Variants in BCORL1 observed in about 807,000 individuals in gnomAD.
The protein encoded by BCORL1 is BCL6 corepressor like 1.
BCORL1 carries 7 observed loss-of-function variants against 87.6 expected under a neutral mutation model. The observed-to-expected ratio is 0.08, with a 90% CI of 0.05 to 0.15. The LOEUF is 0.15. BCORL1 is among the 10% of genes least tolerant of loss of function. The pLI is 1.00. For missense variants in BCORL1, 1,215 were observed against 1,499.7 expected, an observed-to-expected ratio of 0.81 and a Z score of 3.13; for synonymous variants, 591 against 634.4, an observed-to-expected ratio of 0.93 and a Z score of 1.03.
intron 11 of BCORL1, among the ~76,000 whole-genome samples, chrX:130,043,772 ATATATATATATATTTTTT>A (rs1362811650): frequency 1.0e-4 from 2 of 19,967 alleles, no homozygotes; most frequent in African/African-American, 7.5e-4. Context: ...ATATATATAT[ATATATATATATATTTTTT>A]TTTTTTTTTT....
chrX:130,039,815 C>T (rs761762897), intron 11 of BCORL1, among the ~76,000 whole-genome samples: 23 of 113,135 alleles, frequency 2.0e-4, no homozygotes, highest in African/African-American at 7.0e-4. Context: ...CCCTTCCTTC[C>T]GTTCCTTTTC....
Position 130,021,106 on chromosome X carries a change from C to T in BCORL1, c.3563C>T (p.Pro1188Leu), listed in dbSNP as rs368883442. 1.6e-5 allele frequency: 19 copies of T among 1,199,626 alleles called. No homozygotes were observed. In the South Asian group the frequency reaches 2.4e-4, roughly 15 times the overall value. The change falls in exon 5 of 14, where the codon CCG (proline) becomes CTG (leucine). Residue 1188 changes from proline to leucine, a missense_variant. By Grantham distance (98) the Pro-to-Leu change is moderately conservative. This residue lies in a region of BCORL1 where 861 missense variants were observed against 1,010.0 expected (regional missense o/e 0.85). Transcript: ENST00000540052. ...CACAAGCACCGGAAGCCGACAAAGC[C>T]GGAGTCCCAGTCTCCAGGAAAACGA... The part of the protein sequence containing the change: ...GKHKHRKPTK[P>L]ESQSPGKRAD...
At chrX:130,023,643 T>C (rs760505211) in intron 6 of BCORL1, among the ~76,000 whole-genome samples, 1 of 112,302 alleles carries the variant, frequency 8.9e-6, no homozygotes, top group South Asian at 3.7e-4. Flanking sequence ...CCTTAGCACA[T>C]GGCAAGCGAG....
intron 13 of BCORL1, among the ~76,000 whole-genome samples, chrX:130,053,194 G>A (rs73569843): frequency 0.11 from 11,950 of 111,285 alleles, 1,581 homozygotes; most frequent in African/African-American, 0.37. Context: ...TGCACAGGAT[G>A]GGGAGCTAGG....
At chrX:129,995,334 A>G (rs1384911690) in intron 1 of BCORL1, among the ~76,000 whole-genome samples, 3 of 111,388 alleles carry the variant, frequency 2.7e-5, no homozygotes, top group Non-Finnish European at 5.7e-5. Flanking sequence ...GTTTCAGGGA[A>G]TATTTGGTTA....
rs1930411870 is a variant in BCORL1, at chrX:130,028,923, AG to A, written c.4305+68del. On this transcript the variant is annotated intron_variant, in intron 8 of 13. Transcript: ENST00000540052. Reference sequence around the variant, plus strand: ...GTGGCGGGGGGTCAGAGGAGGCAGGAGGGGGGTGGGGGATGGGGAGGATCAA... The same window carrying A: ...GTGGCGGGGGGTCAGAGGAGGCAGGAGGGGGTGGGGGATGGGGAGGATCAA... 5 of 28,351 alleles carry A rather than the reference AG, an allele frequency of 1.8e-4. No homozygotes were observed. In the South Asian group the frequency reaches 2.8e-3, roughly 16 times the overall value. The allele number at this position is 28,351 out of a possible 1,213,427, so 2.3% of individuals were successfully genotyped here. A position where few individuals can be genotyped will look rare whatever the true frequency, so the allele number is the denominator to read the frequency against.
At chrX:129,980,868 C>T (rs1466432614), upstream of BCORL1, among the ~76,000 whole-genome samples, 2 of 102,937 alleles carry the variant, frequency 1.9e-5, no homozygotes, top group Non-Finnish European at 4.0e-5. Context: ...GGCGGGGCGG[C>T]GCTAGGGGCT....
At chrX:129,984,701 G>C (rs1050526186) in intron 1 of BCORL1, among the ~76,000 whole-genome samples, 2 of 111,374 alleles carry the variant, frequency 1.8e-5, no homozygotes, top group African/African-American at 6.5e-5. Context: ...TTGTTGTAGG[G>C]AAAGACGTGG....
chrX:129,986,861 GA>G (rs1303653041), intron 1 of BCORL1, among the ~76,000 whole-genome samples: 1 of 111,428 alleles, frequency 9.0e-6, no homozygotes, highest in East Asian at 2.8e-4. Context: ...AAAGAAAAAA[GA>G]AAAAAATGTT....
At chrX:130,003,296 C>T (rs1206920465) in intron 1 of BCORL1, among the ~76,000 whole-genome samples, 1 of 111,047 alleles carries the variant, frequency 9.0e-6, no homozygotes, top group African/African-American at 3.3e-5. Context: ...TAGCCCTCCC[C>T]ACCTAGACTG....
rs1280537269 is a variant in BCORL1 at position 130,005,384 on chromosome X, G to A, written c.86+67G>A. On this transcript the variant is annotated intron_variant, in intron 2 of 13. Coordinates refer to ENST00000540052, the MANE Select transcript of BCORL1 (RefSeq NM_001379451.1). ...GCAGTACCTCGTCACCAGAGGGATA[G>A]CTGCATACAATAGGGCCTGGGGAGG... 1.9e-5 allele frequency: 19 copies of A among 1,007,153 alleles called. No individual in the cohort carries two copies. The East Asian group carries it at 5.2e-4, about 28-fold the overall frequency. 83.0% of individuals were successfully genotyped at this position (1,007,153 alleles called of 1,213,427 possible).
chrX:130,034,941 G>A (rs755085878), intron 9 of BCORL1, among the ~76,000 whole-genome samples: 16 of 111,750 alleles, frequency 1.4e-4, no homozygotes, highest in African/African-American at 4.2e-4. Flanking sequence ...GGATATCCAC[G>A]TTGTCTTAAA....
chrX:130,003,053 C>T (rs776448904), intron 1 of BCORL1, among the ~76,000 whole-genome samples: 39 of 111,134 alleles, frequency 3.5e-4, no homozygotes, highest in Non-Finnish European at 6.8e-4. Flanking sequence ...GGATGAAGCC[C>T]AGGCAGGGTG....
chrX:130,014,354 T>C lies in BCORL1; in HGVS notation c.1582T>C (p.Cys528Arg), dbSNP rs777331146. The change falls in exon 4 of 14, where the codon TGC becomes CGC. Residue 528 changes from cysteine to arginine, a missense_variant. Cys to Arg is a radical substitution (Grantham distance 180, BLOSUM62 -3). This residue lies in a region of BCORL1 where 861 missense variants were observed against 1,010.0 expected (regional missense o/e 0.85). Coordinates refer to ENST00000540052, the MANE Select transcript of BCORL1 (RefSeq NM_001379451.1). The stretch of plus-strand genomic sequence containing the variant: ...ATCTCTGGAGGTGAACAGGCTCCCC[T>C]GCACTTCCCCATCCGGTAGCACCAC... ...LVSLEVNRLPCTSPSGSTTTQ... is the reference protein window; with the variant it reads ...LVSLEVNRLPRTSPSGSTTTQ... 8.3e-7 allele frequency: 1 copy of C among 1,211,727 alleles called. No homozygotes were observed. The highest frequency in any genetic ancestry group is 1.8e-5 in the South Asian group (1 of 56,972).
intron 4 of BCORL1, among the ~76,000 whole-genome samples, chrX:130,017,308 A>G (rs1343314023): frequency 9.0e-6 from 1 of 111,105 alleles, no homozygotes; most frequent in Non-Finnish European, 1.9e-5. Context: ...CCACCCTGGT[A>G]TGTCAGAGAC....
intron 4 of BCORL1, among the ~76,000 whole-genome samples, chrX:130,016,838 C>G (rs1818247560): frequency 9.0e-6 from 1 of 111,529 alleles, no homozygotes; most frequent in Admixed American, 9.5e-5. Context: ...TCTTGACAGG[C>G]TATGGATGGT....
chrX:130,042,260 G>T (rs1286411107), intron 11 of BCORL1, among the ~76,000 whole-genome samples: 1 of 110,320 alleles, frequency 9.1e-6, no homozygotes, highest in Non-Finnish European at 1.9e-5. Context: ...AGCTAATTTT[G>T]TATTTTATCT....
intron 1 of BCORL1, among the ~76,000 whole-genome samples, chrX:129,996,995 G>GT (rs1005448541): frequency 1.8e-5 from 2 of 111,359 alleles, no homozygotes; most frequent in Non-Finnish European, 3.8e-5. Flanking sequence ...TGCTTTCTCT[G>GT]TTACCTCCTT....
At chrX:130,024,328 C>T (rs56867404) in intron 6 of BCORL1, among the ~76,000 whole-genome samples, 6,761 of 110,540 alleles carry the variant, frequency 0.061, 528 homozygotes, top group African/African-American at 0.21. Flanking sequence ...CTTGGCAAGT[C>T]GGGAGGAGGT....
Sources: allele counts gnomAD v4.1 joint callset (sites outside exome capture counted in the v4.1 genomes callset), GRCh38; gene constraint gnomAD v4.1.1; regional missense constraint gnomAD v4.1.1; transcripts MANE v1.5; gene names NCBI Gene and HGNC (gene_info 2026-07-23, HGNC 2026-07-21).